SEMA4A: variants seen among roughly 807,000 people sequenced by gnomAD.
SEMA4A encodes the protein semaphorin 4A.
Under a neutral mutation model 72.5 loss-of-function variants are expected in SEMA4A, and 52 were observed. The observed-to-expected ratio is 0.72, with a 90% CI of 0.57 to 0.90. SEMA4A has a LOEUF of 0.90. Ranked by LOEUF, SEMA4A falls within the 40% of genes least tolerant of loss-of-function variation. The pLI, the probability that SEMA4A is intolerant of heterozygous loss-of-function variation, is 0.00. For missense variants in SEMA4A, 926 were observed against 959.7 expected (o/e 0.96, Z 0.46); for synonymous variants, 369 against 393.1 (o/e 0.94, Z 0.73).
rs1160038485 is a variant in SEMA4A at position 156,176,478 on chromosome 1, T to C, written c.1767T>C (p.Tyr589=). 6.2e-7 allele frequency: 1 copy of C among 1,614,086 alleles called. No individual in the cohort carries two copies. The highest frequency in any genetic ancestry group is 8.5e-7 in the Non-Finnish European group (1 of 1,179,984). Residue 589 remains tyrosine (Y), a synonymous_variant, in exon 15 of 15, where the codon TAT becomes TAC. Coordinates refer to ENST00000368285, the MANE Select transcript of SEMA4A (RefSeq NM_022367.4). ...PCPHLSALAS[Y]YWSHGPAAVP... The stretch of plus-strand genomic sequence containing the variant: ...CCCACCTGTCAGCCTTGGCCTCTTA[T>C]TATTGGAGTCATGGCCCAGCAGCAG...
chr1:156,172,714 G>A, intron 10 of SEMA4A, 112 bp from the exon 11 acceptor site: 1 of 1,031,808 alleles, frequency 9.7e-7, no homozygotes, highest in Non-Finnish European at 1.5e-6. Context: ...CCACCACCCT[G>A]AAATGAGGAC....
chr1:156,154,670 CG>C lies in SEMA4A; in HGVS notation c.98del (p.Gly33GlufsTer37), dbSNP rs754043133. On this transcript the variant is annotated frameshift_variant, in exon 2 of 15. Coordinates refer to ENST00000368285, the MANE Select transcript of SEMA4A (RefSeq NM_022367.4). LOFTEE classifies it high-confidence loss of function. ...LLQLLLPTTTAGGGGQGPMPR... is the reference protein window; with the variant it reads ...LLQLLLPTTTXGGGGQGPMPR... ...CAGCTGCTGCTGCCGACGACGACCG[CG>C]GGGGGAGGCGGGCAGGGGCCCATGC... 1.3e-6 allele frequency: 2 copies of C among 1,598,802 alleles called. No homozygotes were observed. The highest frequency in any genetic ancestry group is 8.5e-7 in the Non-Finnish European group (1 of 1,173,242).
chr1:156,162,196 G>A (rs1653727019), intron 9 of SEMA4A, among the ~76,000 whole-genome samples: 1 of 152,248 alleles, frequency 6.6e-6, no homozygotes. Flanking sequence ...GGGAGGCGGA[G>A]GTTGCAGTGA....
intron 9 of SEMA4A, among the ~76,000 whole-genome samples, chr1:156,161,934 G>A (rs549576846): frequency 3.5e-4 from 53 of 152,310 alleles, no homozygotes; most frequent in African/African-American, 1.3e-3. Flanking sequence ...CTAATGGCCA[G>A]GGCAAACAGG....
At position 156,158,146 on chromosome 1, in the gene SEMA4A, G is replaced by A. The variant is rs1402673224; in HGVS notation, c.363+14G>A. ...AAGAGCAATGAGGTAAGTGGAGGTG[G>A]GGGAGTAGGGGTAGAGTGGGTAGAG... On this transcript the variant is annotated intron_variant, in intron 4 of 14. Transcript: ENST00000368285. 1 of 1,613,774 alleles carries A rather than the reference G, an allele frequency of 6.2e-7. No homozygotes were observed. Among genetic ancestry groups the A allele is most frequent in the South Asian group, 1.1e-5 (1 of 91,046 alleles).
Position 156,177,516 on chromosome 1 carries a change from C to G in SEMA4A, c.*519C>G. ...TGCTTCCCTTACCAGTCGTGCACCG[C>G]TGACTCCCAGGAAGTCTTTCCTGAA... On this transcript the variant is annotated 3_prime_UTR_variant, in exon 15 of 15. Coordinates refer to ENST00000368285, the MANE Select transcript of SEMA4A (RefSeq NM_022367.4). 5.0e-6 allele frequency: 1 copy of G among 199,162 alleles called. No individual in the cohort carries two copies. The highest frequency in any genetic ancestry group is 9.5e-5 in the South Asian group (1 of 10,570). 12.3% of individuals were successfully genotyped at this position (199,162 alleles called of 1,614,324 possible).
At chr1:156,173,563 C>T (rs1024948386) in intron 11 of SEMA4A, among the ~76,000 whole-genome samples, 2 of 151,760 alleles carry the variant, frequency 1.3e-5, no homozygotes, top group Non-Finnish European at 2.9e-5. Flanking sequence ...CGGGAGCAGG[C>T]GGCCAGAGTC....
intron 10 of SEMA4A, 51 bp from the exon 11 acceptor site, chr1:156,172,775 G>T: frequency 6.5e-7 from 1 of 1,529,654 alleles, no homozygotes; most frequent in Non-Finnish European, 9.1e-7. Flanking sequence ...GAGGGAGGGT[G>T]AGCTGAGGGG....
chr1:156,176,136 C>G (rs1247078191), intron 14 of SEMA4A, among the ~76,000 whole-genome samples: 1 of 151,960 alleles, frequency 6.6e-6, no homozygotes, highest in Non-Finnish European at 1.5e-5. Context: ...AAAAATTAAC[C>G]AGGCGTGGAA....
chr1:156,148,722 C>T (rs187518104), upstream of SEMA4A, among the ~76,000 whole-genome samples: 3 of 152,170 alleles, frequency 2.0e-5, no homozygotes, highest in East Asian at 1.9e-4. Flanking sequence ...TAGGGCCCTT[C>T]GCCCCAGACT....
chr1:156,176,437 C>A lies in SEMA4A; in HGVS notation c.1726C>A (p.Leu576Met), dbSNP rs781702787. 1.9e-6 allele frequency: 3 copies of A among 1,614,134 alleles called. No homozygotes were observed. The highest frequency in any genetic ancestry group is 2.5e-6 in the Non-Finnish European group (3 of 1,180,008). Residue 576 changes from leucine (L) to methionine (M), a missense_variant, in exon 15 of 15, where the codon CTG becomes ATG. Coordinates refer to ENST00000368285, the MANE Select transcript of SEMA4A (RefSeq NM_022367.4). ...AGTCCTGGCTGTCCCCAACTCCATC[C>A]TGGAGCTCCCCTGCCCCCACCTGTC... ...KEVLAVPNSI[L>M]ELPCPHLSAL...
intron 10 of SEMA4A, among the ~76,000 whole-genome samples, chr1:156,169,186 C>T (rs1248801048): frequency 6.6e-6 from 1 of 152,132 alleles, no homozygotes; most frequent in African/African-American, 2.4e-5. Flanking sequence ...CCAGAGGTTG[C>T]TGAGATTAGT....
chr1:156,169,407 CTTTTTTTT>C (rs766983966), intron 10 of SEMA4A, among the ~76,000 whole-genome samples: 1,190 of 85,240 alleles, frequency 0.014, 15 homozygotes, highest in East Asian at 0.1. Context: ...CTTTTCTTTT[CTTTTTTTT>C]TTTTTTTTTT....
chr1:156,169,407 C>CTTTTTTT (rs766983966), intron 10 of SEMA4A, among the ~76,000 whole-genome samples: 21 of 85,304 alleles, frequency 2.5e-4, no homozygotes, highest in African/African-American at 4.5e-4. Context: ...CTTTTCTTTT[C>CTTTTTTT]TTTTTTTTTT....
rs1406822283 is a variant in SEMA4A at position 156,158,823 on chromosome 1, G to A, written c.567G>A (p.Val189=). 6.2e-7 allele frequency: 1 copy of A among 1,611,972 alleles called. No homozygotes were observed. Among genetic ancestry groups the A allele is most frequent in the Admixed American group, 1.7e-5 (1 of 60,014 alleles). Reference sequence around the variant, plus strand: ...CTCACAAGCATACGGCTGTCTTGGTGGGTGAGTATCAGGTTTCCCACTTCA... The same window carrying A: ...CTCACAAGCATACGGCTGTCTTGGTAGGTGAGTATCAGGTTTCCCACTTCA... ...DPAHKHTAVL[V]DGMLYSGTMN... is the part of the protein sequence containing the mutation. The change falls in exon 6 of 15, where the codon GTG becomes GTA. Residue 189 remains valine (V), a splice_region_variant and synonymous_variant. Coordinates refer to ENST00000368285, the MANE Select transcript of SEMA4A (RefSeq NM_022367.4).
chr1:156,154,504 G>A (rs1318286387), intron 1 of SEMA4A, 46 bp from the exon 2 acceptor site: 3 of 1,538,038 alleles, frequency 2.0e-6, no homozygotes, highest in Non-Finnish European at 2.6e-6. Flanking sequence ...GGGGGATGTG[G>A]TAAGAACTGC....
intron 8 of SEMA4A, 36 bp from the exon 9 acceptor site, chr1:156,161,310 G>GGGGGGGGGGGGGGGGGGGGCCCCCC: frequency 7.2e-7 from 1 of 1,381,208 alleles, no homozygotes. Flanking sequence ...GGGTCGGGGC[G>GGGGGGGGGGGGGGGGGGGGCCCCCC]CCCGGGGCGC....
intron 10 of SEMA4A, among the ~76,000 whole-genome samples, chr1:156,163,901 A>T (rs1481160201): frequency 1.3e-5 from 2 of 151,656 alleles, no homozygotes; most frequent in African/African-American, 2.4e-5. Flanking sequence ...GCCTGGTGGC[A>T]TGTGCCTGTA....
chr1:156,154,187 A>G (rs190771400), intron 1 of SEMA4A, among the ~76,000 whole-genome samples: 1 of 152,266 alleles, frequency 6.6e-6, no homozygotes, highest in East Asian at 1.9e-4. Flanking sequence ...GAGCCAGGCA[A>G]CGGTTTGGGC....
Sources: allele counts gnomAD v4.1 joint callset (sites outside exome capture counted in the v4.1 genomes callset), GRCh38; gene constraint gnomAD v4.1.1; transcripts MANE v1.5; gene names NCBI Gene and HGNC (gene_info 2026-07-23, HGNC 2026-07-21).